ZMIZ1: variants seen among roughly 807,000 people sequenced by gnomAD.
ZMIZ1 encodes zinc finger MIZ domain-containing protein 1.
In ZMIZ1, 17 loss-of-function variants were observed where a neutral mutation model predicts 113.9. The observed-to-expected ratio is 0.15, with a 90% CI of 0.10 to 0.22. ZMIZ1 has a LOEUF of 0.22. Ranked by LOEUF, ZMIZ1 falls within the 10% of genes least tolerant of loss-of-function variation. The pLI is 1.00. For missense variants in ZMIZ1, 1,059 were observed against 1,477.8 expected (o/e 0.72, Z 4.65); for synonymous variants, 607 against 603.1 (o/e 1.01, Z -0.09).
chr10:79,188,081 A>G lies in ZMIZ1; in HGVS notation c.-49-13503A>G, dbSNP rs563966468. Among the ~76,000 whole-genome samples the G allele has an allele frequency of 4.6e-5, 7 of 152,340 alleles. No individual in the cohort carries two copies. In the East Asian group the frequency reaches 1.4e-3, roughly 29 times the overall value. ...ATATTGTTATAAAGATAATTCACAT[A>G]AAATACCAAATATGCTGCCTGACGT... is the stretch of plus-strand genomic sequence containing the variant. On this transcript the variant is annotated intron_variant, in intron 4 of 24. Transcript: ENST00000334512.
chr10:79,072,063 G>C (rs1842305657), intron 1 of ZMIZ1, among the ~76,000 whole-genome samples: 2 of 152,064 alleles, frequency 1.3e-5, no homozygotes, highest in Non-Finnish European at 2.9e-5. Flanking sequence ...AGAAGAGTTG[G>C]GAATAAGAAA....
chr10:79,264,460 C>G (rs1436598075), intron 7 of ZMIZ1, among the ~76,000 whole-genome samples: 2 of 152,210 alleles, frequency 1.3e-5, no homozygotes, highest in Non-Finnish European at 2.9e-5. Flanking sequence ...GGGCACCTCT[C>G]CCCTCTCCAG....
At chr10:79,301,073 C>T in intron 17 of ZMIZ1, 131 bp downstream of exon 17, 1 of 1,310,924 alleles carries the variant, frequency 7.6e-7, no homozygotes, top group African/African-American at 1.5e-5. Context: ...CCCACAGCCG[C>T]CAAAGATACA....
chr10:79,231,588 T>G (rs1288327350), intron 7 of ZMIZ1, among the ~76,000 whole-genome samples: 1 of 151,860 alleles, frequency 6.6e-6, no homozygotes, highest in Non-Finnish European at 1.5e-5. Flanking sequence ...TTTTGTTTTT[T>G]TTTGTTTTGA....
chr10:79,261,967 C>T (rs903666871), intron 7 of ZMIZ1, among the ~76,000 whole-genome samples: 1 of 152,162 alleles, frequency 6.6e-6, no homozygotes, highest in African/African-American at 2.4e-5. Context: ...TCTCATAGGC[C>T]AGGGAGAGAG....
intron 17 of ZMIZ1, among the ~76,000 whole-genome samples, chr10:79,301,315 G>A (rs531489696): frequency 6.6e-6 from 1 of 152,284 alleles, no homozygotes; most frequent in African/African-American, 2.4e-5. Context: ...TTCACCAGCA[G>A]TTGTCATTGT....
intron 10 of ZMIZ1, 50 bp from the exon 11 acceptor site, chr10:79,292,108 C>G (rs1853533325): frequency 6.5e-7 from 1 of 1,537,740 alleles, no homozygotes; most frequent in Non-Finnish European, 8.9e-7. Context: ...GCCCTCAGTT[C>G]CCCTCAGATG....
At chr10:79,094,422 C>T (rs1370495691) in intron 1 of ZMIZ1, among the ~76,000 whole-genome samples, 1 of 152,244 alleles carries the variant, frequency 6.6e-6, no homozygotes, top group African/African-American at 2.4e-5. Flanking sequence ...AGCTCAGCGG[C>T]CTGGGTTCAA....
intron 1 of ZMIZ1, among the ~76,000 whole-genome samples, chr10:79,074,021 G>A (rs1316074384): frequency 1.3e-5 from 2 of 152,192 alleles, no homozygotes; most frequent in Non-Finnish European, 2.9e-5. Flanking sequence ...TGCCTGCCAC[G>A]GGCGCGTGAT....
chr10:79,153,940 C>T (rs1237687825), intron 3 of ZMIZ1, among the ~76,000 whole-genome samples: 2 of 152,220 alleles, frequency 1.3e-5, no homozygotes, highest in African/African-American at 2.4e-5. Flanking sequence ...GAAGCGTGAC[C>T]GCCAGGGGGC....
At chr10:79,197,595 TACACACACACACACATACACAC>T (rs1344644794) in intron 4 of ZMIZ1, among the ~76,000 whole-genome samples, 5 of 136,758 alleles carry the variant, frequency 3.7e-5, no homozygotes, top group African/African-American at 8.8e-5. Context: ...ACCCAGACCA[TACACACACACACACATACACAC>T]ACACACACAC....
Position 79,304,028 on chromosome 10 carries a change from C to T in ZMIZ1, c.2139C>T (p.Phe713=), listed in dbSNP as rs1282527575. The T allele has an allele frequency of 6.2e-7, 1 of 1,614,118 alleles. No homozygotes were observed. Residue 713 remains phenylalanine (F), a synonymous_variant, in exon 19 of 25, where the codon TTC becomes TTT. Coordinates refer to ENST00000334512, the MANE Select transcript of ZMIZ1 (RefSeq NM_020338.4). ...CCTGCCCCGCAGTCAAGCGGAATTT[C>T]AGCAGCGTGGCTGCCTCCTCGGGCA... ...EHCITKIKRN[F]SSVAASSGNT... is the part of the protein sequence containing the mutation.
chr10:79,305,441 G>A, intron 20 of ZMIZ1, 92 bp from the exon 21 acceptor site: 1 of 1,432,294 alleles, frequency 7.0e-7, no homozygotes, highest in Non-Finnish European at 9.8e-7. Flanking sequence ...CAGCAGCAGG[G>A]GTGGGACCCC....
intron 7 of ZMIZ1, among the ~76,000 whole-genome samples, chr10:79,235,572 A>G (rs149894353): frequency 5.1e-4 from 77 of 152,210 alleles, no homozygotes; most frequent in Middle Eastern, 6.8e-3. Context: ...GGCAGCCCTG[A>G]CTGTCAGAAA....
At chr10:79,082,551 A>C (rs1342445697) in intron 1 of ZMIZ1, among the ~76,000 whole-genome samples, 1 of 152,074 alleles carries the variant, frequency 6.6e-6, no homozygotes, top group African/African-American at 2.4e-5. Flanking sequence ...TTCTCATCCC[A>C]TTTCCCAGAT....
intron 1 of ZMIZ1, among the ~76,000 whole-genome samples, chr10:79,107,273 C>G (rs550395591): frequency 8.5e-5 from 13 of 152,256 alleles, no homozygotes; most frequent in African/African-American, 2.7e-4. Flanking sequence ...TGTAGCCTAG[C>G]GGGTTAGACC....
At chr10:79,230,588 A>G (rs1232036587) in intron 7 of ZMIZ1, among the ~76,000 whole-genome samples, 2 of 152,148 alleles carry the variant, frequency 1.3e-5, no homozygotes, top group Non-Finnish European at 2.9e-5. Flanking sequence ...TGCAGGGTCC[A>G]TGTCTGTTCA....
chr10:79,202,071 A>G, intron 5 of ZMIZ1, among the ~76,000 whole-genome samples: 1 of 150,396 alleles, frequency 6.6e-6, no homozygotes, highest in Non-Finnish European at 1.5e-5. Context: ...AAAAAAAAAA[A>G]AAAAAAAAGT....
chr10:79,289,706 G>A, intron 8 of ZMIZ1, 69 bp from the exon 9 acceptor site: 2 of 1,437,620 alleles, frequency 1.4e-6, no homozygotes, highest in Non-Finnish European at 1.9e-6. Flanking sequence ...TTGGTGGGGT[G>A]ATGGGCATGG....
Sources: allele counts gnomAD v4.1 joint callset (sites outside exome capture counted in the v4.1 genomes callset), GRCh38; gene constraint gnomAD v4.1.1; transcripts MANE v1.5; gene names NCBI Gene and HGNC (gene_info 2026-07-23, HGNC 2026-07-21).